The following ROBO2 variants were observed in gnomAD, a reference collection of about 807,000 sequenced individuals.
ROBO2 encodes the protein roundabout guidance receptor 2, also known as roundabout homolog 2.
In ROBO2, 53 loss-of-function variants were observed where a neutral mutation model predicts 160.8. The ratio of observed to expected loss-of-function variants is 0.33; its 90% confidence interval spans 0.26 to 0.41. The LOEUF (loss-of-function observed/expected upper bound fraction) is 0.41, where lower values mean the gene tolerates loss of function less well. Among genes scored for constraint, ROBO2 ranks in the 10% least tolerant of loss-of-function variants. The pLI is 1.00. For synonymous variants in ROBO2, 664 were observed against 611.7 expected, an observed-to-expected ratio of 1.09 and a Z score of -1.26; for missense variants, 1,577 against 1,722.4, an observed-to-expected ratio of 0.92 and a Z score of 1.49.
rs1310242961 is a variant in ROBO2 at position 76,934,953 on chromosome 3, T to C, written c.110-163061T>C. Among the ~76,000 whole-genome samples the C allele has an allele frequency of 3.7e-5, 5 of 136,014 alleles. No homozygotes were observed. In the South Asian group the frequency reaches 7.3e-4, roughly 20 times the overall value. 89.2% of individuals were successfully genotyped at this position (136,014 alleles called of 152,430 possible). On this transcript the variant is annotated intron_variant, in intron 2 of 26. Coordinates refer to the ROBO2 transcript ENST00000487694. ...CTTTATTTTGAAATAATTTCAGGCT[T>C]CACAAATTTTTTTTTTTTTAGACCA...
intron 2 of ROBO2, among the ~76,000 whole-genome samples, chr3:76,818,149 C>T (rs549762442): frequency 2.4e-4 from 36 of 152,058 alleles, no homozygotes; most frequent in African/African-American, 8.2e-4. Flanking sequence ...TTACCACATC[C>T]ACACCGACAT....
chr3:77,208,622 T>C (rs1439698413), intron 2 of ROBO2, among the ~76,000 whole-genome samples: 1 of 152,196 alleles, frequency 6.6e-6, no homozygotes, highest in African/African-American at 2.4e-5. Context: ...ACTATTATTA[T>C]AAAGCCATAA....
chr3:76,519,904 A>G (rs1237917810), intron 2 of ROBO2, among the ~76,000 whole-genome samples: 1 of 152,146 alleles, frequency 6.6e-6, no homozygotes, highest in East Asian at 1.9e-4. Context: ...ATGGAGGGGG[A>G]AAATCAAGAG....
chr3:76,187,427 A>G (rs777615356), intron 2 of ROBO2, among the ~76,000 whole-genome samples: 1 of 146,332 alleles, frequency 6.8e-6, no homozygotes, highest in Non-Finnish European at 1.5e-5. Flanking sequence ...GGTGTGCACC[A>G]CCACACCCAA....
chr3:76,994,746 GAAA>G (rs2060890965), intron 2 of ROBO2, among the ~76,000 whole-genome samples: 1 of 152,044 alleles, frequency 6.6e-6, no homozygotes, highest in African/African-American at 2.4e-5. Flanking sequence ...AGTTCTCCTG[GAAA>G]AATGTATGTT....
At chr3:77,474,850 A>G (rs557100257) in intron 2 of ROBO2, among the ~76,000 whole-genome samples, 1 of 152,340 alleles carries the variant, frequency 6.6e-6, no homozygotes, top group East Asian at 1.9e-4. Context: ...GCAGAAATGA[A>G]TAATTAGCAC....
At chr3:76,048,729 C>T (rs2067539228) in intron 2 of ROBO2, among the ~76,000 whole-genome samples, 1 of 152,138 alleles carries the variant, frequency 6.6e-6, no homozygotes, top group Admixed American at 6.5e-5. Context: ...GACACATGTG[C>T]ATCAGGGCAC....
At chr3:76,679,926 A>G (rs1416633704) in intron 2 of ROBO2, among the ~76,000 whole-genome samples, 1 of 151,962 alleles carries the variant, frequency 6.6e-6, no homozygotes, top group Non-Finnish European at 1.5e-5. Flanking sequence ...CTTTAGTGTT[A>G]TTTTTCCAGA....
At chr3:76,878,393 T>C (rs1408608983) in intron 2 of ROBO2, among the ~76,000 whole-genome samples, 1 of 152,208 alleles carries the variant, frequency 6.6e-6, no homozygotes, top group Non-Finnish European at 1.5e-5. Context: ...CGATACCTTT[T>C]TCACTAAAAT....
At position 77,646,328 on chromosome 3, in the gene ROBO2, C is replaced by T. The variant is rs2095412529; in HGVS notation, c.*273C>T. 3 of 352,938 alleles carry T rather than the reference C, an allele frequency of 8.5e-6. No individual in the cohort carries two copies. The South Asian group carries it at 3.6e-4, about 43-fold the overall frequency. The allele number at this position is 352,938 out of a possible 1,614,324, so 21.9% of individuals were successfully genotyped here. ...CCTACAGGAAGAAAAGGATTCTCCT[C>T]TGTATATAATTTCTTTTGTGCATTG... On this transcript the variant is annotated 3_prime_UTR_variant, in exon 26 of 26. Coordinates refer to ENST00000461745, the Ensembl canonical transcript of ROBO2.
intron 2 of ROBO2, among the ~76,000 whole-genome samples, chr3:77,130,793 A>G (rs1443101607): frequency 6.6e-6 from 1 of 152,124 alleles, no homozygotes; most frequent in African/African-American, 2.4e-5. Flanking sequence ...TTCATTTTCT[A>G]TGTAGAAAAA....
intron 2 of ROBO2, among the ~76,000 whole-genome samples, chr3:77,340,243 G>T (rs1414902699): frequency 6.6e-6 from 1 of 151,990 alleles, no homozygotes; most frequent in Non-Finnish European, 1.5e-5. Context: ...GCCTCCAGTT[G>T]GGTTTGCAAA....
chr3:75,911,575 T>TTTG (rs1946587288), intron 1 of ROBO2, among the ~76,000 whole-genome samples: 1 of 143,196 alleles, frequency 7.0e-6, no homozygotes. Flanking sequence ...TTTTTTTTTT[T>TTTG]GAGACGGAGT....
chr3:77,582,711 T>A (rs2093951362), intron 16 of ROBO2, among the ~76,000 whole-genome samples: 1 of 152,144 alleles, frequency 6.6e-6, no homozygotes, highest in African/African-American at 2.4e-5. Flanking sequence ...TTATTATACC[T>A]TTTACTTCTA....
At chr3:76,626,054 T>G (rs1218072479) in intron 2 of ROBO2, among the ~76,000 whole-genome samples, 3 of 152,126 alleles carry the variant, frequency 2.0e-5, no homozygotes, top group Non-Finnish European at 4.4e-5. Flanking sequence ...ATTCTCAGAT[T>G]GTGTCAACAA....
chr3:76,220,037 T>C (rs1703854619), intron 2 of ROBO2, among the ~76,000 whole-genome samples: 1 of 151,980 alleles, frequency 6.6e-6, no homozygotes, highest in Non-Finnish European at 1.5e-5. Context: ...GGGACATGGA[T>C]GAAGCTGGAA....
chr3:77,175,643 G>C (rs987930648), intron 2 of ROBO2, among the ~76,000 whole-genome samples: 1 of 151,944 alleles, frequency 6.6e-6, no homozygotes, highest in Non-Finnish European at 1.5e-5. Context: ...GACTGGAAAG[G>C]AGATACATTT....
intron 13 of ROBO2, among the ~76,000 whole-genome samples, chr3:77,569,568 A>G (rs1474369408): frequency 1.3e-5 from 2 of 151,906 alleles, no homozygotes; most frequent in South Asian, 4.1e-4. Flanking sequence ...TTGTCTTCTT[A>G]TTATAGACTT....
intron 2 of ROBO2, among the ~76,000 whole-genome samples, chr3:76,580,759 T>C (rs2085652097): frequency 6.6e-6 from 1 of 152,154 alleles, no homozygotes; most frequent in Admixed American, 6.5e-5. Flanking sequence ...ATTTGTTTGA[T>C]AATATGTTTC....
Sources: allele counts gnomAD v4.1 joint callset (sites outside exome capture counted in the v4.1 genomes callset), GRCh38; gene constraint gnomAD v4.1.1; transcripts MANE v1.5; gene names NCBI Gene and HGNC (gene_info 2026-07-23, HGNC 2026-07-21).